SHROOM4: variants seen among roughly 807,000 people sequenced by gnomAD.
SHROOM4 encodes the protein shroom family member 4.
Under a neutral mutation model 80.3 loss-of-function variants are expected in SHROOM4, and 17 were observed. The observed-to-expected ratio is 0.21, with a 90% CI of 0.14 to 0.32. The LOEUF is 0.32. SHROOM4 is among the 10% of genes least tolerant of loss of function. SHROOM4 has a pLI of 1.00. For synonymous variants in SHROOM4, 400 were observed against 437.5 expected, an observed-to-expected ratio of 0.91 and a Z score of 1.07; for missense variants, 993 against 1,140.3, an observed-to-expected ratio of 0.87 and a Z score of 1.86.
chrX:50,579,315 A>G, the SHROOM4 span, among the ~76,000 whole-genome samples: 1 of 112,190 alleles, frequency 8.9e-6, no homozygotes, highest in African/African-American at 3.2e-5. Context: ...AACATCCACT[A>G]TGTGTCCTGG....
chrX:50,728,784 G>T (rs1288553039), intron 1 of SHROOM4, among the ~76,000 whole-genome samples: 1 of 111,911 alleles, frequency 8.9e-6, no homozygotes, highest in Non-Finnish European at 1.9e-5. Flanking sequence ...ACAAATACAT[G>T]CAAAAGTAAA....
chrX:50,596,563 A>C lies in SHROOM4; in HGVS notation c.*132T>G. On this transcript the variant is annotated 3_prime_UTR_variant, in exon 9 of 9. Coordinates refer to ENST00000376020, the MANE Select transcript of SHROOM4 (RefSeq NM_020717.5). The stretch of plus-strand genomic sequence containing the variant: ...GACCACTGCTAGGGAAGGGGTAGTG[A>C]GAGACATCCAGGGTAGAGGGCTGGA... 4.5e-6 allele frequency: 4 copies of C among 890,256 alleles called. No individual in the cohort carries two copies. Among genetic ancestry groups the C allele is most frequent in the Non-Finnish European group, 6.4e-6 (4 of 627,889 alleles). 73.4% of individuals were successfully genotyped at this position (890,256 alleles called of 1,213,427 possible).
At position 50,607,381 on chromosome X, in the gene SHROOM4, T is replaced by C. The variant is rs782368437; in HGVS notation, c.3761A>G (p.Lys1254Arg). 4.5e-5 allele frequency: 54 copies of C among 1,209,010 alleles called. No individual in the cohort carries two copies. The highest frequency in any genetic ancestry group is 5.4e-5 in the Non-Finnish European group (48 of 895,007). The change falls in exon 6 of 9, where the codon AAA becomes AGA. Residue 1254 changes from lysine to arginine, a missense_variant and splice_region_variant. By Grantham distance (26) the Lys-to-Arg change is conservative. Transcript: ENST00000376020. The stretch of plus-strand genomic sequence containing the variant: ...CCTAGTATCTTTCATATGTACTTAC[T>C]TGGCGGATTCAGTGGCTTCCTGTCC... Reference protein sequence around the residue: ...TSGQEATESAKQEFQHFSPPS... With the variant: ...TSGQEATESARQEFQHFSPPS...
At position 50,709,316 on chromosome X, in the gene SHROOM4, G is replaced by A. The variant is rs782769012; in HGVS notation, c.118-13379C>T. On this transcript the variant is annotated intron_variant, in intron 1 of 8. Transcript: ENST00000376020. The stretch of plus-strand genomic sequence containing the variant: ...TGCTTTTGGCTCCACAGGGCCCCTA[G>A]GCCATGCATATGGGAACAATATTTT... Among the ~76,000 whole-genome samples, 5 of 112,169 alleles carry A rather than the reference G, an allele frequency of 4.5e-5. No individual in the cohort carries two copies. In the East Asian group the frequency reaches 1.4e-3, roughly 32 times the overall value.
In SHROOM4 at chrX:50,587,027, C is replaced by T. The variant is rs918471370; in HGVS notation, c.*9668G>A. 3.6e-5 allele frequency among the ~76,000 whole-genome samples: 4 copies of T among 111,865 alleles called. No homozygotes were observed. Among genetic ancestry groups the T allele is most frequent in the African/African-American group, 9.8e-5 (3 of 30,748 alleles). ...TGTACATGAGATCTCTAGATTTATA[C>T]ATCTTATGTAGCTGCAACTTTGTAG... On this transcript the variant is annotated 3_prime_UTR_variant, in exon 9 of 9. Transcript: ENST00000376020.
intron 1 of SHROOM4, among the ~76,000 whole-genome samples, chrX:50,803,159 C>T (rs185304549): frequency 8.9e-5 from 10 of 111,962 alleles, no homozygotes; most frequent in Admixed American, 5.7e-4. Context: ...CACTGCACTC[C>T]AGCCTGGCAA....
At chrX:50,801,261 G>GGAGAGAGA (rs781878531) in intron 1 of SHROOM4, among the ~76,000 whole-genome samples, 4,355 of 81,430 alleles carry the variant, frequency 0.053, 144 homozygotes, top group Middle Eastern at 0.1. Flanking sequence ...GAGAGAAAGA[G>GGAGAGAGA]GAGAGAGAGA....
At chrX:50,625,099 T>C (rs1349018720) in intron 5 of SHROOM4, among the ~76,000 whole-genome samples, 5 of 111,620 alleles carry the variant, frequency 4.5e-5, no homozygotes, top group Non-Finnish European at 9.4e-5. Context: ...GAAAACAGTT[T>C]GGTAAGATCT....
intron 1 of SHROOM4, among the ~76,000 whole-genome samples, chrX:50,759,811 T>G (rs781903917): frequency 5.3e-5 from 6 of 112,304 alleles, no homozygotes; most frequent in Non-Finnish European, 1.1e-4. Flanking sequence ...ATTTATTCTT[T>G]GACCCACTGG....
At chrX:50,638,528 G>C (rs1220449309) in intron 2 of SHROOM4, among the ~76,000 whole-genome samples, 1 of 112,485 alleles carries the variant, frequency 8.9e-6, no homozygotes, top group Non-Finnish European at 1.9e-5. Context: ...TTGTTCACAA[G>C]AGTATCCTGA....
chrX:50,627,581 C>T lies in SHROOM4; in HGVS notation c.2957+33G>A, dbSNP rs370979745. ...ATTTCTACAGAAGCTCCAGAGGCAC[C>T]AACCCACCCCAACTCCCTGAGCGCT... On this transcript the variant is annotated intron_variant, in intron 5 of 8. Transcript: ENST00000376020. 5.9e-6 allele frequency: 7 copies of T among 1,178,225 alleles called. No homozygotes were observed. The African/African-American group carries it at 1.2e-4, about 21-fold the overall frequency.
At chrX:50,624,309 C>T (rs1329386420) in intron 5 of SHROOM4, among the ~76,000 whole-genome samples, 2 of 111,699 alleles carry the variant, frequency 1.8e-5, no homozygotes, top group Non-Finnish European at 3.8e-5. Flanking sequence ...TAATTCCAAA[C>T]TGTTAAGGGC....
intron 1 of SHROOM4, among the ~76,000 whole-genome samples, chrX:50,810,725 C>T (rs1331183955): frequency 8.9e-6 from 1 of 111,983 alleles, no homozygotes; most frequent in Non-Finnish European, 1.9e-5. Context: ...TTGCCCTGTG[C>T]TCCTTCACAA....
chrX:50,779,651 A>G (rs1410975776), intron 1 of SHROOM4, among the ~76,000 whole-genome samples: 1 of 111,628 alleles, frequency 9.0e-6, no homozygotes, highest in Admixed American at 9.5e-5. Context: ...CTAAGCTAGA[A>G]TCAGGGAATC....
intron 1 of SHROOM4, among the ~76,000 whole-genome samples, chrX:50,741,661 T>C (rs1371410392): frequency 2.7e-5 from 3 of 111,234 alleles, no homozygotes; most frequent in Non-Finnish European, 3.8e-5. Flanking sequence ...CCCTAATGAC[T>C]AATGATATTG....
chrX:50,710,499 A>G (rs1933786468), intron 1 of SHROOM4, among the ~76,000 whole-genome samples: 1 of 110,655 alleles, frequency 9.0e-6, no homozygotes, highest in African/African-American at 3.3e-5. Flanking sequence ...AGTAATAAAC[A>G]CTGGGGACTA....
intron 1 of SHROOM4, among the ~76,000 whole-genome samples, chrX:50,730,659 C>T (rs1557266229): frequency 9.2e-6 from 1 of 108,645 alleles, no homozygotes; most frequent in Non-Finnish European, 1.9e-5. Flanking sequence ...CCTGTAGTCC[C>T]AGCCACTCTG....
At chrX:50,744,236 T>A (rs1934728902) in intron 1 of SHROOM4, among the ~76,000 whole-genome samples, 1 of 111,698 alleles carries the variant, frequency 9.0e-6, no homozygotes, top group African/African-American at 3.2e-5. Flanking sequence ...TCTCATTACA[T>A]ATATGTTGAT....
At chrX:50,739,093 T>G (rs1214681533) in intron 1 of SHROOM4, among the ~76,000 whole-genome samples, 1 of 111,848 alleles carries the variant, frequency 8.9e-6, no homozygotes, top group African/African-American at 3.3e-5. Flanking sequence ...TGATTCCCTA[T>G]TTAATAAATG....
Sources: allele counts gnomAD v4.1 joint callset (sites outside exome capture counted in the v4.1 genomes callset), GRCh38; gene constraint gnomAD v4.1.1; transcripts MANE v1.5; gene names NCBI Gene and HGNC (gene_info 2026-07-23, HGNC 2026-07-21).